LRRC8C: variants seen among roughly 807,000 people sequenced by gnomAD.
LRRC8C encodes the protein leucine rich repeat containing 8 VRAC subunit C.
In LRRC8C, 20 loss-of-function variants were observed where a neutral mutation model predicts 55.3. The observed-to-expected ratio is 0.36, with a 90% CI of 0.25 to 0.53. LRRC8C has a LOEUF of 0.53. LRRC8C is among the 20% of genes least tolerant of loss of function. The pLI is 0.92. For missense variants in LRRC8C, 659 were observed against 951.4 expected, an observed-to-expected ratio of 0.69 and a Z score of 4.04; for synonymous variants, 376 against 360.7, an observed-to-expected ratio of 1.04 and a Z score of -0.48.
intron 1 of LRRC8C, among the ~76,000 whole-genome samples, chr1:89,680,113 A>T (rs182094183): frequency 0.013 from 1,884 of 148,298 alleles, 16 homozygotes; most frequent in Non-Finnish European, 0.019. Flanking sequence ...TCGCTCTGTC[A>T]CCCAGGCTGG....
At chr1:89,668,586 G>A (rs1484542059) in intron 1 of LRRC8C, among the ~76,000 whole-genome samples, 1 of 152,124 alleles carries the variant, frequency 6.6e-6, no homozygotes, top group African/African-American at 2.4e-5. Flanking sequence ...TGGATATCAA[G>A]TCTGAATTTC....
the LRRC8C span, among the ~76,000 whole-genome samples, chr1:89,622,386 G>A: frequency 2.7e-5 from 4 of 150,790 alleles, no homozygotes; most frequent in Non-Finnish European, 4.4e-5. Context: ...AGGCTGGAGT[G>A]CAGTGGCGCG....
At chr1:89,668,424 A>G (rs1657328362) in intron 1 of LRRC8C, 1 of 152,220 alleles carries the variant, frequency 6.6e-6, no homozygotes, top group Non-Finnish European at 1.5e-5. Context: ...TCATGGACAG[A>G]AGCGGAATCC....
At chr1:89,670,056 A>G (rs1423941065) in intron 1 of LRRC8C, among the ~76,000 whole-genome samples, 2 of 152,196 alleles carry the variant, frequency 1.3e-5, no homozygotes. Context: ...TATATCACTG[A>G]AGAAAATCTC....
intron 2 of LRRC8C, chr1:89,708,622 T>G (rs1156599445): frequency 1.3e-5 from 2 of 151,540 alleles, no homozygotes; most frequent in Non-Finnish European, 2.9e-5. Flanking sequence ...AGAAGCTGCC[T>G]GCCTTATTTT....
rs995890424 is a variant in LRRC8C, at chr1:89,712,724, A to G, written c.154A>G (p.Ile52Val). Reference protein sequence around the residue: ...GCTLQVMQDKIICLPKRVQPA... With the variant: ...GCTLQVMQDKVICLPKRVQPA... ...CATGTTTCAGGTCATGCAAGACAAG[A>G]TAATCTGCCTTCCGAAAAGAGTGCA... The change falls in exon 3 of 3, where the codon ATA (isoleucine) becomes GTA (valine). Residue 52 changes from isoleucine (I) to valine (V), a missense_variant. Coordinates refer to ENST00000370454, the MANE Select transcript of LRRC8C (RefSeq NM_032270.5). 2 of 1,613,332 alleles carry G rather than the reference A, an allele frequency of 1.2e-6. No individual in the cohort carries two copies. The highest frequency in any genetic ancestry group is 8.5e-7 in the Non-Finnish European group (1 of 1,179,374).
chr1:89,710,930 T>G (rs1303832221), intron 2 of LRRC8C, among the ~76,000 whole-genome samples: 1 of 152,172 alleles, frequency 6.6e-6, no homozygotes, highest in Non-Finnish European at 1.5e-5. Flanking sequence ...TTTACCTGAG[T>G]CCATGCCTCA....
chr1:89,683,259 A>G (rs1008520608), intron 1 of LRRC8C, among the ~76,000 whole-genome samples: 1 of 152,208 alleles, frequency 6.6e-6, no homozygotes, highest in Non-Finnish European at 1.5e-5. Context: ...TGTTTTCCAA[A>G]TTACCAATGC....
the LRRC8C span, among the ~76,000 whole-genome samples, chr1:89,622,231 G>T: frequency 6.6e-6 from 1 of 152,126 alleles, no homozygotes; most frequent in Non-Finnish European, 1.5e-5. Context: ...CTAGGCAAGT[G>T]ACATTAGCTG....
Position 89,718,994 on chromosome 1 carries a change from A to G in LRRC8C, c.*4012A>G, listed in dbSNP as rs1658899623. On this transcript the variant is annotated 3_prime_UTR_variant, in exon 3 of 3. Coordinates refer to ENST00000370454, the MANE Select transcript of LRRC8C (RefSeq NM_032270.5). The stretch of plus-strand genomic sequence containing the variant: ...ATTTTATAAGATTTAGGCCTCAGTG[A>G]CATGCTCCTGAAAGTTTCCTGCCAG... 1 of 152,190 alleles carries G rather than the reference A, an allele frequency of 6.6e-6. No homozygotes were observed. The highest frequency in any genetic ancestry group is 1.5e-5 in the Non-Finnish European group (1 of 68,036). The allele number at this position is 152,190 out of a possible 1,614,324, so 9.4% of individuals were successfully genotyped here.
At chr1:89,661,092 G>A (rs1657107832) in intron 1 of LRRC8C, 1 of 171,436 alleles carries the variant, frequency 5.8e-6, no homozygotes, top group Non-Finnish European at 1.2e-5. Context: ...ATCGCCAATA[G>A]ATTACATCAA....
At chr1:89,663,989 C>T (rs905825518) in intron 1 of LRRC8C, among the ~76,000 whole-genome samples, 5 of 151,964 alleles carry the variant, frequency 3.3e-5, no homozygotes, top group Non-Finnish European at 1.5e-5. Flanking sequence ...TTCTTGTAAA[C>T]TTGTTTAAGT....
chr1:89,709,112 G>T (rs1658568893), intron 2 of LRRC8C, among the ~76,000 whole-genome samples: 2 of 152,258 alleles, frequency 1.3e-5, no homozygotes, highest in African/African-American at 4.8e-5. Flanking sequence ...AACTTCTGGA[G>T]ATTGCCTGTG....
At chr1:89,641,139 G>A (rs1030632055) in intron 1 of LRRC8C, among the ~76,000 whole-genome samples, 9 of 152,174 alleles carry the variant, frequency 5.9e-5, no homozygotes, top group Admixed American at 5.2e-4. Flanking sequence ...GACAACATGT[G>A]ATTAGAGCAA....
intron 1 of LRRC8C, among the ~76,000 whole-genome samples, chr1:89,633,857 G>A (rs1183726837): frequency 1.3e-5 from 2 of 152,180 alleles, no homozygotes; most frequent in Non-Finnish European, 2.9e-5. Flanking sequence ...CAGGAGGGAA[G>A]GGGTTCAGCT....
chr1:89,627,704 T>C, the LRRC8C span, among the ~76,000 whole-genome samples: 1 of 152,190 alleles, frequency 6.6e-6, no homozygotes, highest in South Asian at 2.1e-4. Flanking sequence ...ATCCCAACTC[T>C]TCTACTCACT....
chr1:89,649,617 A>T (rs932873146), intron 1 of LRRC8C, among the ~76,000 whole-genome samples: 1 of 152,174 alleles, frequency 6.6e-6, no homozygotes, highest in East Asian at 1.9e-4. Context: ...CTTCACAGTC[A>T]TGCTAATTTC....
rs1342177791 is a variant in LRRC8C at position 89,711,671 on chromosome 1, C to G, written c.139-1038C>G. On this transcript the variant is annotated intron_variant, in intron 2 of 2. Transcript: ENST00000370454. ...TCTTCAAAAAGGGTGCATTCATTCT[C>G]TCTTTCCCAAATTGCAATTTTTTGA... Among the ~76,000 whole-genome samples, 9 of 152,320 alleles carry G rather than the reference C, an allele frequency of 5.9e-5. No homozygotes were observed. In the East Asian group the frequency reaches 1.7e-3, roughly 29 times the overall value.
intron 2 of LRRC8C, among the ~76,000 whole-genome samples, chr1:89,701,619 T>C (rs1214378313): frequency 6.6e-6 from 1 of 152,158 alleles, no homozygotes; most frequent in Non-Finnish European, 1.5e-5. Flanking sequence ...ATTTGACATA[T>C]AAGTTTACCT....
Sources: allele counts gnomAD v4.1 joint callset (sites outside exome capture counted in the v4.1 genomes callset), GRCh38; gene constraint gnomAD v4.1.1; transcripts MANE v1.5; gene names NCBI Gene and HGNC (gene_info 2026-07-23, HGNC 2026-07-21).